Variants in STAB1 observed in about 807,000 individuals in gnomAD.
The protein encoded by STAB1 is stabilin-1.
Under a neutral mutation model 332.4 loss-of-function variants are expected in STAB1, and 250 were observed. The ratio of observed to expected loss-of-function variants is 0.75; its 90% CI spans 0.68 to 0.84. The LOEUF (loss-of-function observed/expected upper bound fraction) is 0.84. Ranked by LOEUF, STAB1 falls within the 40% of genes least tolerant of loss-of-function variation. STAB1 has a pLI of 0.00. For missense variants in STAB1, 3,249 were observed against 3,489.7 expected, an observed-to-expected ratio of 0.93 and a Z score of 1.74; for synonymous variants, 1,475 against 1,390.4, an observed-to-expected ratio of 1.06 and a Z score of -1.35.
chr3:52,500,830 G>T (rs1324280679), intron 1 of STAB1, among the ~76,000 whole-genome samples: 1 of 152,210 alleles, frequency 6.6e-6, no homozygotes, highest in Non-Finnish European at 1.5e-5. Context: ...AAATGGGCTT[G>T]GGGGAGCAAC....
rs138126209 is a variant in STAB1 at position 52,523,677 on chromosome 3, G to A, written c.7316G>A (p.Arg2439His). The change falls in exon 66 of 69, where the codon CGT becomes CAT. Residue 2439 changes from arginine (R) to histidine (H), a missense_variant. Arg to His is a conservative substitution (Grantham distance 29). Coordinates refer to ENST00000321725, the MANE Select transcript of STAB1 (RefSeq NM_015136.3). Reference sequence around the variant, plus strand: ...GCCCCAGGGACAGTTGTGGTTAGCCGTATCATTGTGTGGGACATCATGGCC... The same window carrying A: ...GCCCCAGGGACAGTTGTGGTTAGCCATATCATTGTGTGGGACATCATGGCC... ...PVAPGTVVVS[R>H]IIVWDIMAFN... 5.5e-4 allele frequency: 886 copies of A among 1,612,726 alleles called. 4 individuals carry two copies. The highest frequency in any genetic ancestry group is 1.4e-3 in the East Asian group (62 of 44,874).
chr3:52,516,015 G>A (rs905927070), intron 37 of STAB1, 28 bp from the exon 38 acceptor site: 24 of 1,569,832 alleles, frequency 1.5e-5, no homozygotes, highest in African/African-American at 5.4e-5. Context: ...GGCCTCTCTC[G>A]CCCTCTCTCC....
At position 52,508,329 on chromosome 3, in the gene STAB1, C is replaced by T; in HGVS notation, c.2205C>T (p.Gly735=). The T allele has an allele frequency of 1.9e-6, 3 of 1,613,954 alleles. No homozygotes were observed. The highest frequency in any genetic ancestry group is 2.5e-6 in the Non-Finnish European group (3 of 1,180,000). The change falls in exon 21 of 69, where the codon GGC becomes GGT. Residue 735 remains glycine, a synonymous_variant. Transcript: ENST00000321725. ...FGPDCTQCPG[G]FSNPCYGKGN... ...CTGACTGCACGCAGTGTCCTGGGGG[C>T]TTCTCCAACCCCTGCTATGGCAAAG...
chr3:52,503,410 A>C lies in STAB1; in HGVS notation c.761A>C (p.Gln254Pro). The change falls in exon 8 of 69, where the codon CAG (glutamine) becomes CCG (proline). Residue 254 changes from glutamine to proline, a missense_variant. Gln to Pro is a moderately conservative substitution (Grantham distance 76, BLOSUM62 -1). Transcript: ENST00000321725. ...LAQCSVSPKG[Q>P]AQCHCPENYH... is the part of the protein sequence containing the mutation. ...CAGTGCTCGGTGAGCCCCAAGGGGC[A>C]GGCTCAGTGTCACTGCCCTGAGAAC... 3 of 1,613,690 alleles carry C rather than the reference A, an allele frequency of 1.9e-6. No homozygotes were observed. Among genetic ancestry groups the C allele is most frequent in the Non-Finnish European group, 2.5e-6 (3 of 1,180,022 alleles).
chr3:52,522,846 G>A lies in STAB1; in HGVS notation c.6816G>A (p.Val2272=). The A allele has an allele frequency of 6.2e-7, 1 of 1,613,316 alleles. No homozygotes were observed. The highest frequency in any genetic ancestry group is 8.5e-7 in the Non-Finnish European group (1 of 1,180,014). Residue 2272 remains valine, a synonymous_variant, in exon 62 of 69, where the codon GTG becomes GTA. Coordinates refer to ENST00000321725, the MANE Select transcript of STAB1 (RefSeq NM_015136.3). The stretch of plus-strand genomic sequence containing the variant: ...CTGCCCACCCTGTGGTTTTCCCTGT[G>A]GCGGACTGTGGCAATGGTCGGGTGG... ...GSTAHPVVFP[V]ADCGNGRVGI... is the part of the protein sequence containing the mutation.
intron 1 of STAB1, among the ~76,000 whole-genome samples, chr3:52,497,407 CTT>C (rs1200611448): frequency 3.2e-3 from 354 of 111,718 alleles, no homozygotes; most frequent in South Asian, 0.013. Flanking sequence ...AATTCGATGC[CTT>C]TTTTTTTTTT....
At position 52,518,320 on chromosome 3, in the gene STAB1, G is replaced by A. The variant is rs1284400518; in HGVS notation, c.4770G>A (p.Leu1590=). Residue 1590 remains leucine, a synonymous_variant, in exon 46 of 69, where the codon CTG becomes CTA. Coordinates refer to ENST00000321725, the MANE Select transcript of STAB1 (RefSeq NM_015136.3). ...TCRARVGLEL[L]RDKHASFFSL... is the part of the protein sequence containing the mutation. ...GACCCTCGCCCCCCCAGGAGCTCCTGAGGGATAAGCATGCCTCATTCTTCA... is the reference window on the plus strand; with the variant it reads ...GACCCTCGCCCCCCCAGGAGCTCCTAAGGGATAAGCATGCCTCATTCTTCA... The A allele has an allele frequency of 6.2e-6, 10 of 1,612,734 alleles. No homozygotes were observed. Among genetic ancestry groups the A allele is most frequent in the Non-Finnish European group, 7.6e-6 (9 of 1,179,910 alleles).
chr3:52,517,450 C>A, intron 43 of STAB1, 57 bp downstream of exon 43: 1 of 1,574,800 alleles, frequency 6.4e-7, no homozygotes, highest in South Asian at 1.2e-5. Context: ...AGGATGGGGC[C>A]TCCCTTCAGG....
At position 52,514,475 on chromosome 3, in the gene STAB1, C is replaced by G. The variant is rs377308263; in HGVS notation, c.3657C>G (p.Val1219=). 116 of 1,529,948 alleles carry G rather than the reference C, an allele frequency of 7.6e-5. No individual in the cohort carries two copies. Among genetic ancestry groups the G allele is most frequent in the Non-Finnish European group, 9.7e-5 (111 of 1,139,652 alleles). The allele number at this position is 1,529,948 out of a possible 1,614,324, so 94.8% of individuals were successfully genotyped here. ...TCCTGGGCCCTGCCCACTGGATCGTCTTCTACAACCACAGTGGCCAGGTTT... is the reference window on the plus strand; with the variant it reads ...TCCTGGGCCCTGCCCACTGGATCGTGTTCTACAACCACAGTGGCCAGGTTT... ...NSLLGPAHWI[V]FYNHSGQPEV... The change falls in exon 34 of 69, where the codon GTC becomes GTG. Residue 1219 remains valine (V), a synonymous_variant. Transcript: ENST00000321725.
chr3:52,521,323 C>A (rs2153234160), intron 55 of STAB1, 38 bp from the exon 56 acceptor site: 3 of 1,612,208 alleles, frequency 1.9e-6, no homozygotes, highest in Non-Finnish European at 2.5e-6. Context: ...CTGGTGAGAG[C>A]CCCTGGCCCC....
chr3:52,497,693 G>A (rs1437420884), intron 1 of STAB1, among the ~76,000 whole-genome samples: 3 of 152,178 alleles, frequency 2.0e-5, no homozygotes, highest in African/African-American at 7.2e-5. Flanking sequence ...GATTACAGAT[G>A]TGAGCCACCA....
At chr3:52,509,840 A>G in intron 22 of STAB1, 30 bp from the exon 23 acceptor site, 1 of 1,611,622 alleles carries the variant, frequency 6.2e-7, no homozygotes, top group Non-Finnish European at 8.5e-7. Flanking sequence ...CCTGCTTCTC[A>G]GTTTCCTTGC....
chr3:52,505,897 G>A lies in STAB1; in HGVS notation c.1710G>A (p.Leu570=). The A allele has an allele frequency of 6.2e-7, 1 of 1,613,958 alleles. No homozygotes were observed. The highest frequency in any genetic ancestry group is 8.5e-7 in the Non-Finnish European group (1 of 1,180,040). The change falls in exon 16 of 69, where the codon CTG becomes CTA. Residue 570 remains leucine, a synonymous_variant. Transcript: ENST00000321725. ...IYLFTAGLSK[L]QELVRYHIYN... Reference sequence around the variant, plus strand: ...TCCCCTGCCAGGGTCTCTCTAAACTGCAGGAGTTGGTGCGGTACCACATCT... The same window carrying A: ...TCCCCTGCCAGGGTCTCTCTAAACTACAGGAGTTGGTGCGGTACCACATCT...
Position 52,501,718 on chromosome 3 carries a change from C to A in STAB1, c.296C>A (p.Ala99Asp). 2 of 1,574,450 alleles carry A rather than the reference C, an allele frequency of 1.3e-6. No homozygotes were observed. The highest frequency in any genetic ancestry group is 1.7e-6 in the Non-Finnish European group (2 of 1,160,814). The change falls in exon 3 of 69, where the codon GCC (alanine) becomes GAC (aspartate). Residue 99 changes from alanine to aspartate, a missense_variant. Ala to Asp is a moderately radical substitution (Grantham distance 126). Transcript: ENST00000321725. ...RKCRKQVVQKACCPGYWGSRC... is the reference protein window; with the variant it reads ...RKCRKQVVQKDCCPGYWGSRC... ...TGCCGGAAGCAAGTGGTGCAGAAGG[C>A]CTGCTGCCCTGGCTACTGGGGTTCC...
intron 66 of STAB1, 21 bp from the exon 67 acceptor site, chr3:52,523,850 A>G (rs567984140): frequency 1.9e-6 from 3 of 1,589,418 alleles, no homozygotes; most frequent in Non-Finnish European, 2.6e-6. Context: ...CCAGGTCAAC[A>G]CTCTCCCTGT....
At chr3:52,519,165 C>T (rs1348351076) in intron 48 of STAB1, 99 bp from the exon 49 acceptor site, 7 of 1,499,112 alleles carry the variant, frequency 4.7e-6, no homozygotes, top group East Asian at 2.3e-5. Context: ...ACTGCCTGCA[C>T]CCTGACTTGC....
rs2079091403 is a variant in STAB1, at chr3:52,522,073, G to C, written c.6308G>C (p.Ser2103Thr). The C allele has an allele frequency of 2.5e-6, 4 of 1,613,360 alleles. No individual in the cohort carries two copies. In the South Asian group the frequency reaches 4.4e-5, roughly 18 times the overall value. The stretch of plus-strand genomic sequence containing the variant: ...TGCCAGGACGGGCATGGTGGCTGCA[G>C]TGAGCACGCCAACTGTAGCCAGGTA... ...DLCQDGHGGC[S>T]EHANCSQVGT... Residue 2103 changes from serine to threonine, a missense_variant, in exon 59 of 69, where the codon AGT becomes ACT. Transcript: ENST00000321725.
In STAB1 at chr3:52,514,940, C is replaced by T. The variant is rs373117696; in HGVS notation, c.3808-49C>T. The T allele has an allele frequency of 3.1e-6, 5 of 1,612,188 alleles. No homozygotes were observed. In the African/African-American group the frequency reaches 4.0e-5, roughly 13 times the overall value. ...TGGTCAGTCTGTCCTGGAGGAAGGG[C>T]AGGGATCCAGGCCTGGACTGCCTGA... On this transcript the variant is annotated intron_variant, in intron 35 of 68. Coordinates refer to ENST00000321725, the MANE Select transcript of STAB1 (RefSeq NM_015136.3).
chr3:52,510,419 G>A lies in STAB1; in HGVS notation c.2699G>A (p.Arg900His), dbSNP rs752284290. 1.9e-5 allele frequency: 31 copies of A among 1,613,828 alleles called. No individual in the cohort carries two copies. The Admixed American group carries it at 2.3e-4, about 12-fold the overall frequency. The stretch of plus-strand genomic sequence containing the variant: ...CACAAAGGCTGGAGTGGGGATGGCC[G>A]CGTCTGTGTGGCTATTGACGAGTGT... Reference protein sequence around the residue: ...TCHKGWSGDGRVCVAIDECEL... With the variant: ...TCHKGWSGDGHVCVAIDECEL... The change falls in exon 25 of 69, where the codon CGC (arginine) becomes CAC (histidine). Residue 900 changes from arginine to histidine, a missense_variant. By Grantham distance (29) the Arg-to-His change is conservative. Transcript: ENST00000321725.
Sources: allele counts gnomAD v4.1 joint callset (sites outside exome capture counted in the v4.1 genomes callset), GRCh38; gene constraint gnomAD v4.1.1; transcripts MANE v1.5; gene names NCBI Gene and HGNC (gene_info 2026-07-23, HGNC 2026-07-21).